Variants in PTPRC observed in about 807,000 individuals in gnomAD.
PTPRC encodes the protein receptor-type tyrosine-protein phosphatase C.
In PTPRC, 44 loss-of-function variants were observed where a neutral mutation model predicts 155.9. That is an observed-to-expected ratio of 0.28 (90% CI 0.22 to 0.36). The LOEUF (loss-of-function observed/expected upper bound fraction) is 0.36. Among genes scored for constraint, PTPRC ranks in the 10% least tolerant of loss-of-function variants. The probability of loss-of-function intolerance (pLI) is 1.00; values close to 1 mark genes in which losing one functional copy is unlikely to be tolerated. For missense variants in PTPRC, 1,401 were observed against 1,564.6 expected (o/e 0.90, Z 1.76); for synonymous variants, 525 against 533.1 (o/e 0.98, Z 0.21).
At chr1:198,664,414 G>A (rs1212262060) in intron 2 of PTPRC, among the ~76,000 whole-genome samples, 2 of 152,136 alleles carry the variant, frequency 1.3e-5, no homozygotes, top group Non-Finnish European at 2.9e-5. Flanking sequence ...CTTTCTGAGA[G>A]CACGTCTCAG....
intron 2 of PTPRC, among the ~76,000 whole-genome samples, chr1:198,656,012 A>G (rs2102232032): frequency 6.6e-6 from 1 of 152,230 alleles, no homozygotes; most frequent in East Asian, 1.9e-4. Context: ...TGGGTACTCT[A>G]TACAATGAAC....
chr1:198,696,662 A>G, intron 3 of PTPRC, 50 bp from the exon 4 acceptor site: 2 of 1,454,688 alleles, frequency 1.4e-6, no homozygotes, highest in Non-Finnish European at 1.9e-6. Flanking sequence ...CATTTAGGGT[A>G]TGATTCACAT....
At chr1:198,718,895 A>G (rs545021458) in intron 14 of PTPRC, among the ~76,000 whole-genome samples, 3 of 152,122 alleles carry the variant, frequency 2.0e-5, no homozygotes, top group Non-Finnish European at 2.9e-5. Flanking sequence ...ATATATCACT[A>G]TATCACACAC....
At chr1:198,685,452 A>G (rs1347630354) in intron 2 of PTPRC, among the ~76,000 whole-genome samples, 1 of 151,964 alleles carries the variant, frequency 6.6e-6, no homozygotes, top group Non-Finnish European at 1.5e-5. Flanking sequence ...TGTTGCCATC[A>G]TTATTATATT....
chr1:198,659,967 T>C (rs946232863), intron 2 of PTPRC, among the ~76,000 whole-genome samples: 2 of 142,534 alleles, frequency 1.4e-5, no homozygotes, highest in South Asian at 2.2e-4. Context: ...TATGGACATA[T>C]ATATCTATAT....
At position 198,707,028 on chromosome 1, in the gene PTPRC, C is replaced by T. The variant is rs1027463528; in HGVS notation, c.904+76C>T. The T allele has an allele frequency of 4.9e-6, 6 of 1,234,112 alleles. No individual in the cohort carries two copies. The African/African-American group carries it at 9.1e-5, about 19-fold the overall frequency. The allele number at this position is 1,234,112 out of a possible 1,614,324, so 76.4% of individuals were successfully genotyped here. ...TGTGTGTGGTGTTCTCCAGTGGTCA[C>T]AGGAGCTAGTCTGGTGAGAGAACAG... On this transcript the variant is annotated intron_variant, in intron 9 of 32. Transcript: ENST00000442510.
chr1:198,641,120 A>G, intron 2 of PTPRC, among the ~76,000 whole-genome samples: 1 of 152,094 alleles, frequency 6.6e-6, no homozygotes, highest in East Asian at 1.9e-4. Flanking sequence ...TCACATAAAT[A>G]TTGAGAGCAA....
intron 2 of PTPRC, among the ~76,000 whole-genome samples, chr1:198,676,750 C>T (rs921682985): frequency 6.6e-6 from 1 of 152,048 alleles, no homozygotes; most frequent in South Asian, 2.1e-4. Context: ...AAAAGGAATA[C>T]GATAAAGTGC....
intron 15 of PTPRC, among the ~76,000 whole-genome samples, chr1:198,723,726 A>C (rs570885951): frequency 1.4e-4 from 22 of 152,334 alleles, no homozygotes; most frequent in Non-Finnish European, 3.2e-4. Context: ...GCATGCTAGC[A>C]AGGGAGCCTG....
At chr1:198,679,162 T>A in intron 2 of PTPRC, 1 of 213,602 alleles carries the variant, frequency 4.7e-6, no homozygotes, top group South Asian at 8.9e-5. Context: ...CTCCTGCAGT[T>A]TGGGCACATA....
chr1:198,704,749 T>C (rs568164309), intron 8 of PTPRC, among the ~76,000 whole-genome samples: 1 of 152,260 alleles, frequency 6.6e-6, no homozygotes, highest in Non-Finnish European at 1.5e-5. Flanking sequence ...ACTACCTATA[T>C]TGGGAACTGT....
intron 2 of PTPRC, among the ~76,000 whole-genome samples, chr1:198,673,557 T>G (rs1664771477): frequency 6.6e-6 from 1 of 152,274 alleles, no homozygotes; most frequent in Non-Finnish European, 1.5e-5. Context: ...TTGAAAACAT[T>G]TATTGAGTAA....
At chr1:198,700,679 C>A (rs915252664) in intron 5 of PTPRC, among the ~76,000 whole-genome samples, 1 of 152,186 alleles carries the variant, frequency 6.6e-6, no homozygotes, top group African/African-American at 2.4e-5. Flanking sequence ...CAAAAGGGGA[C>A]TGACCCCTGG....
chr1:198,726,393 A>G (rs566158259), intron 15 of PTPRC, among the ~76,000 whole-genome samples: 2 of 152,308 alleles, frequency 1.3e-5, no homozygotes, highest in East Asian at 1.9e-4. Context: ...GTTCACTGCA[A>G]TCCACCTATA....
At chr1:198,739,425 A>G (rs1049792418) in intron 23 of PTPRC, among the ~76,000 whole-genome samples, 2 of 150,216 alleles carry the variant, frequency 1.3e-5, no homozygotes, top group Admixed American at 6.6e-5. Flanking sequence ...GAGAAGGAGT[A>G]CCTATACTTA....
chr1:198,739,101 A>G (rs1049212402), intron 23 of PTPRC, among the ~76,000 whole-genome samples: 6 of 151,848 alleles, frequency 4.0e-5, no homozygotes, highest in Non-Finnish European at 8.8e-5. Flanking sequence ...GCAAGAAATT[A>G]AAACAGACCA....
At chr1:198,696,531 T>G (rs1666212171) in intron 3 of PTPRC, among the ~76,000 whole-genome samples, 181 bp from the exon 4 acceptor site, 1 of 152,140 alleles carries the variant, frequency 6.6e-6, no homozygotes, top group African/African-American at 2.4e-5. Flanking sequence ...GTATGTATAT[T>G]TATGAATACA....
chr1:198,728,329 T>G lies in PTPRC; in HGVS notation c.1721-11T>G, dbSNP rs576691002. The G allele has an allele frequency of 1.9e-5, 31 of 1,605,316 alleles. No individual in the cohort carries two copies. The highest frequency in any genetic ancestry group is 2.6e-5 in the Non-Finnish European group (31 of 1,173,362). ...CAATCGTTCTCTGAATGTATTATTT[T>G]TCATTTCTAGATAATTCTAAGGCAC... On this transcript the variant is annotated splice_polypyrimidine_tract_variant and intron_variant, in intron 15 of 32. Transcript: ENST00000442510.
At position 198,756,221 on chromosome 1, in the gene PTPRC, C is replaced by T. The variant is rs761395928; in HGVS notation, c.*40C>T. 2 of 1,609,288 alleles carry T rather than the reference C, an allele frequency of 1.2e-6. No homozygotes were observed. Among genetic ancestry groups the T allele is most frequent in the East Asian group, 4.5e-5 (2 of 44,594 alleles). ...GAGGAAACTCCAAACCTCCTGTTAGCTGTTATTTCTATTTTTGTAGAAGTA... is the reference window on the plus strand; with the variant it reads ...GAGGAAACTCCAAACCTCCTGTTAGTTGTTATTTCTATTTTTGTAGAAGTA... On this transcript the variant is annotated 3_prime_UTR_variant, in exon 33 of 33. Transcript: ENST00000442510.
Sources: gnomAD v4.1 joint callset for allele counts (sites outside exome capture counted in the v4.1 genomes callset) on GRCh38, gnomAD v4.1.1 for gene constraint, MANE v1.5 for transcripts, NCBI Gene and HGNC (gene_info 2026-07-23, HGNC 2026-07-21) for gene names.